Variants in NOS1 observed in about 807,000 individuals in gnomAD.
NOS1 encodes NOS type I.
Under a neutral mutation model 164.5 loss-of-function variants are expected in NOS1, and 51 were observed. That is an observed-to-expected ratio of 0.31 (90% CI 0.25 to 0.39). The LOEUF is 0.39. Among genes scored for constraint, NOS1 ranks in the 10% least tolerant of loss-of-function variants. The pLI is 1.00. For missense variants in NOS1, 1,362 were observed against 1,885.6 expected, an observed-to-expected ratio of 0.72 and a Z score of 5.14; for synonymous variants, 719 against 745.8, an observed-to-expected ratio of 0.96 and a Z score of 0.59.
intron 20 of NOS1, among the ~76,000 whole-genome samples, chr12:117,239,630 G>A (rs763325640): frequency 2.0e-5 from 3 of 152,096 alleles, no homozygotes; most frequent in Non-Finnish European, 4.4e-5. Flanking sequence ...GGCCTTTTGG[G>A]CCAGACAGCC....
chr12:117,227,742 A>T (rs1868830053), intron 22 of NOS1, 101 bp from the exon 23 acceptor site: 7 of 1,068,450 alleles, frequency 6.6e-6, no homozygotes, highest in Admixed American at 3.8e-5. Flanking sequence ...TAAAAGTAAC[A>T]GTTGGCAGGT....
intron 28 of NOS1, among the ~76,000 whole-genome samples, chr12:117,217,676 A>C (rs1956632804): frequency 6.6e-6 from 1 of 151,678 alleles, no homozygotes; most frequent in Non-Finnish European, 1.5e-5. Context: ...CTGCACTCCA[A>C]CCTGGAGTAC....
chr12:117,221,818 AT>A (rs3070338), intron 26 of NOS1, among the ~76,000 whole-genome samples: 8,753 of 111,554 alleles, frequency 0.078, 238 homozygotes, highest in East Asian at 0.17. Flanking sequence ...GCTAACTTAA[AT>A]TTTTTTTTTT....
chr12:117,276,432 G>A (rs1301794068), intron 9 of NOS1, among the ~76,000 whole-genome samples: 1 of 152,116 alleles, frequency 6.6e-6, no homozygotes, highest in East Asian at 1.9e-4. Flanking sequence ...ACAGGCATGT[G>A]CCACCATGCC....
In NOS1 at chr12:117,330,380, C is replaced by T; in HGVS notation, c.690G>A (p.Lys230=). Residue 230 remains lysine, a synonymous_variant, in exon 2 of 29, where the codon AAG becomes AAA. Transcript: ENST00000317775. The surrounding 1 kb of genome is among the most constrained non-coding windows in gnomAD (Gnocchi z 4.6). ...SRGVKGGAPA[K]AEMKDMGIQV... is the part of the protein sequence containing the mutation. Reference sequence around the variant, plus strand: ...GGATTCCCATATCTTTCATCTCTGCCTTGGCAGGTGCCCCTCCCTTGACCC... The same window carrying T: ...GGATTCCCATATCTTTCATCTCTGCTTTGGCAGGTGCCCCTCCCTTGACCC... The T allele has an allele frequency of 6.2e-7, 1 of 1,613,986 alleles. No individual in the cohort carries two copies. The highest frequency in any genetic ancestry group is 8.5e-7 in the Non-Finnish European group (1 of 1,179,926).
At chr12:117,354,369 G>A (rs1876768025) in intron 1 of NOS1, among the ~76,000 whole-genome samples, 3 of 149,418 alleles carry the variant, frequency 2.0e-5, no homozygotes, top group African/African-American at 7.7e-5. Flanking sequence ...GATATTAGAA[G>A]CAAAATGATA....
chr12:117,264,908 T>G lies in NOS1; in HGVS notation c.2136+408A>C, dbSNP rs189661590. ...TAGTAGAGATGGGGTTTCGCCATGT[T>G]GGCCAGGCTGGTCTCGAACTCCTGA... is the stretch of plus-strand genomic sequence containing the variant. On this transcript the variant is annotated intron_variant, in intron 12 of 28. Coordinates refer to ENST00000317775, the MANE Select transcript of NOS1 (RefSeq NM_000620.5). 1.4e-3 allele frequency among the ~76,000 whole-genome samples: 210 copies of G among 152,130 alleles called. 1 individual carries two copies. Among genetic ancestry groups the G allele is most frequent in the Non-Finnish European group, 2.3e-3 (156 of 67,982 alleles).
rs1480622957 is a variant in NOS1 at position 117,211,552 on chromosome 12, C to T, written c.*3757G>A. ...CTAAATTTCTTGTAATGCCACTCAC[C>T]TCTCCCCACGGTCTGGTCCCAGCCC... is the stretch of plus-strand genomic sequence containing the variant. On this transcript the variant is annotated 3_prime_UTR_variant, in exon 29 of 29. Transcript: ENST00000317775. 4.1e-6 allele frequency: 4 copies of T among 985,410 alleles called. No individual in the cohort carries two copies. In the African/African-American group the frequency reaches 5.2e-5, roughly 13 times the overall value. The allele number at this position is 985,410 out of a possible 1,614,324, so 61.0% of individuals were successfully genotyped here.
rs1209972580 is a variant in NOS1, at chr12:117,280,739, C to T, written c.1510G>A (p.Val504Met). The change falls in exon 8 of 29, where the codon GTG becomes ATG. Residue 504 changes from valine to methionine, a missense_variant. Val to Met is a conservative substitution (Grantham distance 21, BLOSUM62 1). This residue lies in a region of NOS1 where 134 missense variants were observed against 267.3 expected (regional missense o/e 0.50). Transcript: ENST00000317775. ...DGSTLGDPAN[V>M]QFTEICIQQG... ...AACGCTCGCACCTCTGTGAACTGCA[C>T]ATTGGCTGGGTCCCCCAGGGTGGAG... 2 of 1,614,080 alleles carry T rather than the reference C, an allele frequency of 1.2e-6. No homozygotes were observed. Among genetic ancestry groups the T allele is most frequent in the Non-Finnish European group, 8.5e-7 (1 of 1,180,002 alleles).
intron 3 of NOS1, among the ~76,000 whole-genome samples, chr12:117,310,629 T>A (rs1874382418): frequency 6.6e-6 from 1 of 152,096 alleles, no homozygotes; most frequent in Non-Finnish European, 1.5e-5. Flanking sequence ...TCATCATGTA[T>A]CTTTTTGCTT....
intron 3 of NOS1, among the ~76,000 whole-genome samples, chr12:117,294,639 C>G (rs1446283935): frequency 1.3e-5 from 2 of 152,174 alleles, no homozygotes; most frequent in Non-Finnish European, 2.9e-5. Context: ...ATGCAAATGA[C>G]TATTCTGAGT....
intron 13 of NOS1, among the ~76,000 whole-genome samples, chr12:117,263,316 A>G (rs9658405): frequency 5.9e-5 from 9 of 151,970 alleles, no homozygotes; most frequent in African/African-American, 2.2e-4. Context: ...GACTAACTCC[A>G]GCTCCTCCCT....
intron 2 of NOS1, among the ~76,000 whole-genome samples, chr12:117,327,519 G>A (rs1412942451): frequency 6.6e-6 from 1 of 152,168 alleles, no homozygotes; most frequent in Non-Finnish European, 1.5e-5. Flanking sequence ...CCTGAGGCCC[G>A]GGTTCCAGCC....
chr12:117,317,410 C>G (rs139755952), intron 2 of NOS1, among the ~76,000 whole-genome samples: 4 of 149,400 alleles, frequency 2.7e-5, no homozygotes, highest in Non-Finnish European at 5.9e-5. Context: ...CTGTCTTGTG[C>G]GTTGGAGGAT....
intron 2 of NOS1, among the ~76,000 whole-genome samples, chr12:117,328,567 C>T (rs998382411): frequency 7.1e-4 from 107 of 150,912 alleles, no homozygotes; most frequent in Non-Finnish European, 1.4e-3. Flanking sequence ...TTTTTTGTTC[C>T]TTTTTTTTTG....
At chr12:117,253,849 T>C in intron 16 of NOS1, 95 bp from the exon 17 acceptor site, 2 of 791,198 alleles carry the variant, frequency 2.5e-6, no homozygotes, top group South Asian at 1.5e-5. Context: ...GTCCTGATTC[T>C]AGGGCCTTCT....
chr12:117,352,582 CA>C lies in NOS1; in HGVS notation c.-421+8929del, dbSNP rs113813096. On this transcript the variant is annotated intron_variant, in intron 1 of 28. Coordinates refer to ENST00000317775, the MANE Select transcript of NOS1 (RefSeq NM_000620.5). ...GCTAAACAGCCGTAAATGACATTGTCACCAGCCTTCATAAAGCATGGTGACT... is the reference window on the plus strand; with the variant it reads ...GCTAAACAGCCGTAAATGACATTGTCCCAGCCTTCATAAAGCATGGTGACT... Among the ~76,000 whole-genome samples the C allele has an allele frequency of 1.6e-4, 24 of 152,290 alleles. 2 individuals carry two copies. Among genetic ancestry groups the C allele is most frequent in the Middle Eastern group, 3.4e-3 (1 of 294 alleles).
chr12:117,346,648 A>C (rs1876366412), intron 1 of NOS1, among the ~76,000 whole-genome samples: 1 of 152,156 alleles, frequency 6.6e-6, no homozygotes, highest in South Asian at 2.1e-4. Flanking sequence ...GCAATGCAGA[A>C]TCCCAAGGCC....
In NOS1 at chr12:117,272,034, C is replaced by T. The variant is rs1366124697; in HGVS notation, c.1839+351G>A. Among the ~76,000 whole-genome samples, 2 of 152,160 alleles carry T rather than the reference C, an allele frequency of 1.3e-5. No individual in the cohort carries two copies. Among genetic ancestry groups the T allele is most frequent in the Non-Finnish European group, 2.9e-5 (2 of 68,014 alleles). The stretch of plus-strand genomic sequence containing the variant: ...TTGGAGCATGAAGTCAAACCAGACA[C>T]ATTTCCCAGCCCTGCTGCCGGCTAG... On this transcript the variant is annotated intron_variant, in intron 10 of 28. Transcript: ENST00000317775. The surrounding 1 kb of genome is among the most constrained non-coding windows in gnomAD (Gnocchi z 4.3).
Sources: allele counts gnomAD v4.1 joint callset (sites outside exome capture counted in the v4.1 genomes callset), GRCh38; gene constraint gnomAD v4.1.1; regional missense constraint gnomAD v4.1.1; non-coding constraint Gnocchi (gnomAD v3.1); transcripts MANE v1.5; gene names NCBI Gene and HGNC (gene_info 2026-07-23, HGNC 2026-07-21).